UNC5B: variants seen among roughly 807,000 people sequenced by gnomAD.
The protein encoded by UNC5B is unc-5 netrin receptor B.
In UNC5B, 56 loss-of-function variants were observed where a neutral mutation model predicts 103.7. The ratio of observed to expected loss-of-function variants is 0.54; its 90% CI spans 0.44 to 0.67. The LOEUF is 0.67. Ranked by LOEUF, UNC5B falls within the 30% of genes least tolerant of loss-of-function variation. The probability of loss-of-function intolerance (pLI) is 0.00; values close to 1 mark genes in which losing one functional copy is unlikely to be tolerated. For missense variants in UNC5B, 1,194 were observed against 1,284.5 expected (o/e 0.93, Z 1.08); for synonymous variants, 577 against 542.0 (o/e 1.06, Z -0.90).
intron 12 of UNC5B, 38 bp downstream of exon 12, chr10:71,293,611 A>G: frequency 6.2e-7 from 1 of 1,612,464 alleles, no homozygotes; most frequent in Non-Finnish European, 8.5e-7. Context: ...AGCTCTCCCA[A>G]CCTGCCCAGG....
chr10:71,260,066 G>A (rs970361552), intron 1 of UNC5B, among the ~76,000 whole-genome samples: 2 of 152,186 alleles, frequency 1.3e-5, no homozygotes, highest in South Asian at 4.1e-4. Context: ...AGAGGTAGGG[G>A]GGGCATGAAG....
At chr10:71,269,912 A>G (rs942134272) in intron 1 of UNC5B, among the ~76,000 whole-genome samples, 5 of 152,164 alleles carry the variant, frequency 3.3e-5, no homozygotes, top group African/African-American at 7.2e-5. Context: ...TCTCAATGAC[A>G]AAGAGTCAGC....
intron 1 of UNC5B, among the ~76,000 whole-genome samples, chr10:71,216,151 C>T (rs997282981): frequency 1.1e-4 from 16 of 152,182 alleles, no homozygotes; most frequent in Non-Finnish European, 2.2e-4. Flanking sequence ...CTGGGACTCA[C>T]CGGTAGCGCC....
chr10:71,246,917 G>A (rs919054268), intron 1 of UNC5B, among the ~76,000 whole-genome samples: 4 of 152,114 alleles, frequency 2.6e-5, no homozygotes, highest in African/African-American at 9.7e-5. Context: ...GGAGGGCTTG[G>A]CACTGAGTCA....
chr10:71,240,849 G>A (rs890816449), intron 1 of UNC5B, among the ~76,000 whole-genome samples: 1 of 152,224 alleles, frequency 6.6e-6, no homozygotes, highest in African/African-American at 2.4e-5. Flanking sequence ...GATGGGGCAG[G>A]CCCCTTGGTA....
chr10:71,279,151 G>T (rs553175092), intron 1 of UNC5B, among the ~76,000 whole-genome samples: 1 of 152,358 alleles, frequency 6.6e-6, no homozygotes, highest in South Asian at 2.1e-4. Context: ...GGAAGAAGAG[G>T]CCAAGGGATG....
Position 71,297,982 on chromosome 10 carries a change from C to G in UNC5B, c.2564C>G (p.Ala855Gly). The change falls in exon 16 of 17, where the codon GCC (alanine) becomes GGC (glycine). Residue 855 changes from alanine to glycine, a missense_variant. Transcript: ENST00000335350. ...STVTTQLGPYAFKIPLSIRQK... is the reference protein window; with the variant it reads ...STVTTQLGPYGFKIPLSIRQK... Reference sequence around the variant, plus strand: ...GTCACCACCCAGCTGGGACCTTATGCCTTCAAGATCCCACTGTCCATCCGC... The same window carrying G: ...GTCACCACCCAGCTGGGACCTTATGGCTTCAAGATCCCACTGTCCATCCGC... 2 of 1,614,010 alleles carry G rather than the reference C, an allele frequency of 1.2e-6. No individual in the cohort carries two copies. The highest frequency in any genetic ancestry group is 1.7e-6 in the Non-Finnish European group (2 of 1,180,010).
At chr10:71,292,687 C>A in intron 11 of UNC5B, 133 bp downstream of exon 11, 1 of 752,444 alleles carries the variant, frequency 1.3e-6, no homozygotes, top group South Asian at 2.1e-5. Flanking sequence ...TTACTGTGTC[C>A]ATATTGAAAA....
intron 1 of UNC5B, among the ~76,000 whole-genome samples, chr10:71,266,094 A>G (rs1452052900): frequency 6.6e-6 from 1 of 151,916 alleles, no homozygotes; most frequent in South Asian, 2.1e-4. Flanking sequence ...CCCCTACCTC[A>G]TACTTCCTTA....
At chr10:71,227,013 C>A (rs992092877) in intron 1 of UNC5B, among the ~76,000 whole-genome samples, 1 of 145,278 alleles carries the variant, frequency 6.9e-6, no homozygotes, top group Non-Finnish European at 1.5e-5. Flanking sequence ...GAAACGGAGT[C>A]TTGCTCTGTT....
chr10:71,285,332 G>C lies in UNC5B; in HGVS notation c.455G>C (p.Arg152Pro), dbSNP rs374916868. The change falls in exon 4 of 17, where the codon CGC (arginine) becomes CCC (proline). Residue 152 changes from arginine to proline, a missense_variant. Coordinates refer to ENST00000335350, the MANE Select transcript of UNC5B (RefSeq NM_170744.5). ...ACCCTCTCGCTTCTCCCAGACCTGC[G>C]CAAGAACTTCGATCAGGAGCCTCTG... ...RRAYVRIAYLRKNFDQEPLGK... is the reference protein window; with the variant it reads ...RRAYVRIAYLPKNFDQEPLGK... 9.3e-6 allele frequency: 15 copies of C among 1,609,828 alleles called. No homozygotes were observed. Among genetic ancestry groups the C allele is most frequent in the Non-Finnish European group, 1.2e-5 (14 of 1,178,482 alleles).
chr10:71,295,698 A>C (rs12259179), intron 13 of UNC5B, 113 bp from the exon 14 acceptor site: 27,019 of 1,314,310 alleles, frequency 0.021, 507 homozygotes, highest in African/African-American at 0.093. Context: ...GCTCTTGCAA[A>C]TGCCCAGCCA....
chr10:71,226,351 G>A lies in UNC5B; in HGVS notation c.79+13287G>A, dbSNP rs55821910. On this transcript the variant is annotated intron_variant, in intron 1 of 16. Coordinates refer to ENST00000335350, the MANE Select transcript of UNC5B (RefSeq NM_170744.5). ...CGGCCTCCCAAAGTGCTGGGATTACGGGCATGAGCCACCTCGCCCAGCCCA... is the reference window on the plus strand; with the variant it reads ...CGGCCTCCCAAAGTGCTGGGATTACAGGCATGAGCCACCTCGCCCAGCCCA... Among the ~76,000 whole-genome samples the A allele has an allele frequency of 1.5e-3, 222 of 152,232 alleles. 1 individual carries two copies. The highest frequency in any genetic ancestry group is 4.9e-3 in the African/African-American group (205 of 41,546).
intron 1 of UNC5B, chr10:71,217,580 G>A (rs573386539): frequency 6.6e-6 from 1 of 152,358 alleles, no homozygotes; most frequent in South Asian, 2.1e-4. Flanking sequence ...GACAAGCCCG[G>A]GCGGAGCGCG....
In UNC5B at chr10:71,213,331, G is replaced by A. The variant is rs112328131; in HGVS notation, c.79+267G>A. 6.6e-6 allele frequency among the ~76,000 whole-genome samples: 1 copy of A among 152,186 alleles called. No individual in the cohort carries two copies. The highest frequency in any genetic ancestry group is 1.5e-5 in the Non-Finnish European group (1 of 68,022). ...ATCCCTTCTTCTCCCTGGAAGGGGT[G>A]TAGGAGTCAGGGTCTGAGTCTCCGG... On this transcript the variant is annotated intron_variant, in intron 1 of 16. Transcript: ENST00000335350. This position sits in a 1 kb window ranked among gnomAD's most constrained non-coding sequence, Gnocchi z 4.1.
chr10:71,283,814 C>T (rs962631540), intron 2 of UNC5B, among the ~76,000 whole-genome samples: 2 of 152,086 alleles, frequency 1.3e-5, no homozygotes, highest in African/African-American at 4.8e-5. Context: ...AGGCCCTGAC[C>T]GGGGAGCCAT....
chr10:71,220,892 C>T (rs1047265818), intron 1 of UNC5B, among the ~76,000 whole-genome samples: 1 of 152,176 alleles, frequency 6.6e-6, no homozygotes, highest in Non-Finnish European at 1.5e-5. Context: ...TGCTGTGAGA[C>T]CCTAGGCAAG....
Position 71,295,929 on chromosome 10 carries a change from A to G in UNC5B, c.2294A>G (p.His765Arg), listed in dbSNP as rs767091653. 1.0e-4 allele frequency: 169 copies of G among 1,612,968 alleles called. No individual in the cohort carries two copies. Among genetic ancestry groups the G allele is most frequent in the Non-Finnish European group, 1.4e-4 (161 of 1,180,006 alleles). ...TCCCTCCATGACCTCCCCCATGCCC[A>G]TTGGAGGAGCAAGCTGCTGGCCAAA... ...RLSLHDLPHAHWRSKLLAKYQ... is the reference protein window; with the variant it reads ...RLSLHDLPHARWRSKLLAKYQ... The change falls in exon 14 of 17, where the codon CAT becomes CGT. Residue 765 changes from histidine to arginine, a missense_variant. Physicochemically the swap from His to Arg is conservative, Grantham distance 29. Coordinates refer to ENST00000335350, the MANE Select transcript of UNC5B (RefSeq NM_170744.5).
At chr10:71,241,443 G>A (rs1843899328) in intron 1 of UNC5B, among the ~76,000 whole-genome samples, 1 of 152,226 alleles carries the variant, frequency 6.6e-6, no homozygotes, top group Non-Finnish European at 1.5e-5. Flanking sequence ...TCCAGTCAGA[G>A]AACTAGCTCG....
Sources: gnomAD v4.1 joint callset for allele counts (sites outside exome capture counted in the v4.1 genomes callset) on GRCh38, gnomAD v4.1.1 for gene constraint, Gnocchi (gnomAD v3.1) non-coding constraint, MANE v1.5 for transcripts, NCBI Gene and HGNC (gene_info 2026-07-23, HGNC 2026-07-21) for gene names.